LRRC4C: variants seen among roughly 807,000 people sequenced by gnomAD.
LRRC4C encodes the protein leucine rich repeat containing 4C.
A neutral mutation model predicts 33.6 loss-of-function variants in LRRC4C; 5 were observed. The observed-to-expected ratio is 0.15, with a 90% CI of 0.08 to 0.31. The LOEUF is 0.31. Ranked by LOEUF, LRRC4C falls within the 10% of genes least tolerant of loss-of-function variation. The pLI, the probability that LRRC4C is intolerant of heterozygous loss-of-function variation, is 1.00. For missense variants in LRRC4C, 560 were observed against 796.7 expected, an observed-to-expected ratio of 0.70 and a Z score of 3.58; for synonymous variants, 329 against 302.0, an observed-to-expected ratio of 1.09 and a Z score of -0.93.
intron 1 of LRRC4C, among the ~76,000 whole-genome samples, chr11:41,401,062 A>T (rs1954007886): frequency 6.6e-6 from 1 of 151,910 alleles, no homozygotes; most frequent in South Asian, 2.1e-4. Flanking sequence ...TTGTAATATG[A>T]TAAAGAGAAG....
chr11:40,931,374 A>G (rs1957613546), intron 2 of LRRC4C, among the ~76,000 whole-genome samples: 1 of 152,154 alleles, frequency 6.6e-6, no homozygotes, highest in Admixed American at 6.6e-5. Flanking sequence ...ATTCGTTTAT[A>G]TAGTTACAAC....
At chr11:41,173,568 G>T (rs150777192) in intron 1 of LRRC4C, among the ~76,000 whole-genome samples, 1 of 151,988 alleles carries the variant, frequency 6.6e-6, no homozygotes, top group African/African-American at 2.4e-5. Flanking sequence ...TTTCCTTATT[G>T]GTCTAGGTAG....
intron 1 of LRRC4C, among the ~76,000 whole-genome samples, chr11:41,278,143 C>A (rs1231051196): frequency 1.3e-5 from 2 of 152,018 alleles, no homozygotes; most frequent in African/African-American, 2.4e-5. Context: ...TAGTTAATTA[C>A]CATAAATTGT....
chr11:41,262,717 T>C (rs1565528618), intron 1 of LRRC4C, among the ~76,000 whole-genome samples: 2 of 152,212 alleles, frequency 1.3e-5, no homozygotes, highest in South Asian at 4.2e-4. Context: ...AAAATATACA[T>C]TGCAGGTTTT....
At chr11:40,214,363 T>G (rs537438142) in intron 5 of LRRC4C, among the ~76,000 whole-genome samples, 1 of 152,142 alleles carries the variant, frequency 6.6e-6, no homozygotes, top group Non-Finnish European at 1.5e-5. Flanking sequence ...CTGAGACATA[T>G]TCTGTTCCTA....
intron 1 of LRRC4C, among the ~76,000 whole-genome samples, chr11:41,069,536 A>C (rs1448439679): frequency 6.6e-6 from 1 of 152,182 alleles, no homozygotes; most frequent in East Asian, 1.9e-4. Context: ...CTCAACACAA[A>C]AACTCTTCAA....
At chr11:40,164,504 A>G (rs1169321069) in intron 5 of LRRC4C, among the ~76,000 whole-genome samples, 1 of 152,090 alleles carries the variant, frequency 6.6e-6, no homozygotes, top group Non-Finnish European at 1.5e-5. Context: ...CCCAATGTGC[A>G]GGGATTACAG....
At chr11:40,325,024 T>C (rs1170342939) in intron 3 of LRRC4C, among the ~76,000 whole-genome samples, 2 of 152,208 alleles carry the variant, frequency 1.3e-5, no homozygotes, top group African/African-American at 4.8e-5. Context: ...AAAATTACTA[T>C]TAGTATAGTT....
At chr11:40,497,805 G>A (rs531340477) in intron 3 of LRRC4C, among the ~76,000 whole-genome samples, 9 of 152,266 alleles carry the variant, frequency 5.9e-5, no homozygotes, top group African/African-American at 1.9e-4. Flanking sequence ...TTTCTGAGGT[G>A]TTTGAGAAAT....
chr11:40,890,675 A>C (rs1955661234), intron 2 of LRRC4C, among the ~76,000 whole-genome samples: 1 of 152,122 alleles, frequency 6.6e-6, no homozygotes, highest in South Asian at 2.1e-4. Context: ...ACATGGAGAG[A>C]AAATACAGAA....
intron 1 of LRRC4C, among the ~76,000 whole-genome samples, chr11:41,321,050 G>T (rs573206249): frequency 6.6e-6 from 1 of 152,088 alleles, no homozygotes; most frequent in African/African-American, 2.4e-5. Flanking sequence ...AGATTTCCCT[G>T]CTTCTTCTTC....
chr11:41,338,922 C>T (rs969976569), intron 1 of LRRC4C, among the ~76,000 whole-genome samples: 3 of 151,574 alleles, frequency 2.0e-5, no homozygotes, highest in African/African-American at 4.9e-5. Flanking sequence ...TGGAAATGTC[C>T]CCTCCAGAGC....
At chr11:40,496,667 C>T (rs1033120321) in intron 3 of LRRC4C, among the ~76,000 whole-genome samples, 4 of 152,090 alleles carry the variant, frequency 2.6e-5, no homozygotes, top group Admixed American at 2.0e-4. Context: ...GTTATGTCTT[C>T]ACATTCAGCG....
chr11:40,288,995 A>G (rs1368875641), intron 4 of LRRC4C, among the ~76,000 whole-genome samples: 8 of 152,202 alleles, frequency 5.3e-5, no homozygotes, highest in Non-Finnish European at 1.0e-4. Context: ...TTTCATTTAA[A>G]TATTATTTTT....
At chr11:41,414,131 G>A (rs1177873279) in intron 1 of LRRC4C, among the ~76,000 whole-genome samples, 1 of 152,078 alleles carries the variant, frequency 6.6e-6, no homozygotes, top group African/African-American at 2.4e-5. Context: ...CGGAAAGGAT[G>A]GTATAAATAA....
intron 4 of LRRC4C, among the ~76,000 whole-genome samples, chr11:40,289,239 A>C (rs998447): frequency 0.46 from 69,536 of 151,922 alleles, 16,300 homozygotes; most frequent in Admixed American, 0.53. Context: ...GGAAATTAAT[A>C]CACGTTAATC....
chr11:40,614,530 T>G (rs1961563906), intron 3 of LRRC4C, among the ~76,000 whole-genome samples: 1 of 151,714 alleles, frequency 6.6e-6, no homozygotes, highest in South Asian at 2.1e-4. Flanking sequence ...ATCATTTGTG[T>G]GTTCATTGAA....
At chr11:40,175,900 C>T (rs985540714) in intron 5 of LRRC4C, among the ~76,000 whole-genome samples, 1 of 152,078 alleles carries the variant, frequency 6.6e-6, no homozygotes, top group Admixed American at 6.5e-5. Context: ...CCACTATAAA[C>T]GGGATTTCAG....
intron 1 of LRRC4C, among the ~76,000 whole-genome samples, chr11:41,165,857 C>T (rs552585813): frequency 6.6e-6 from 1 of 151,944 alleles, no homozygotes; most frequent in East Asian, 1.9e-4. Context: ...TGGTGAAACC[C>T]CATCTCTACT....
Sources: gnomAD v4.1 joint callset for allele counts (sites outside exome capture counted in the v4.1 genomes callset) on GRCh38, gnomAD v4.1.1 for gene constraint, MANE v1.5 for transcripts, NCBI Gene and HGNC (gene_info 2026-07-23, HGNC 2026-07-21) for gene names.